The following GTF2H5 variants were observed in gnomAD, a reference collection of about 807,000 sequenced individuals.
The protein encoded by GTF2H5 is general transcription factor IIH subunit 5.
A neutral mutation model predicts 7.1 loss-of-function variants in GTF2H5; 5 were observed. The ratio of observed to expected loss-of-function variants is 0.71; its 90% CI spans 0.37 to 1.49. GTF2H5 has a LOEUF of 1.49. Ranked by LOEUF, GTF2H5 falls within the 40% of genes most tolerant of loss-of-function variation. The probability of loss-of-function intolerance (pLI) is 0.03; values close to 1 mark genes in which losing one functional copy is unlikely to be tolerated. For synonymous variants in GTF2H5, 30 were observed against 31.7 expected (o/e 0.95, Z 0.18); for missense variants, 80 against 83.0 (o/e 0.96, Z 0.14).
chr6:158,198,670 T>A lies in GTF2H5; in HGVS notation c.*6513T>A, dbSNP rs1366944011. ...CCTCAAGTAATCTGGCCTCCCAAAG[T>A]GGTGGGATTACAGGCGTGAGCCAGC... On this transcript the variant is annotated 3_prime_UTR_variant, in exon 3 of 3. Transcript: ENST00000607778. 1 of 152,288 alleles carries A rather than the reference T, an allele frequency of 6.6e-6. No homozygotes were observed. Among genetic ancestry groups the A allele is most frequent in the Non-Finnish European group, 1.5e-5 (1 of 68,122 alleles). The allele number at this position is 152,288 out of a possible 1,614,324, so 9.4% of individuals were successfully genotyped here. A position where few individuals can be genotyped will look rare whatever the true frequency, so the allele number is the denominator to read the frequency against.
chr6:158,170,648 C>A (rs754016012), intron 2 of GTF2H5, 110 bp downstream of exon 2: 4 of 824,120 alleles, frequency 4.9e-6, no homozygotes, highest in Non-Finnish European at 8.2e-6. Flanking sequence ...GAAATCAAGT[C>A]TTTCGCTTTT....
intron 1 of GTF2H5, among the ~76,000 whole-genome samples, chr6:158,169,564 AATATATT>A (rs1174212412): frequency 1.4e-5 from 1 of 70,342 alleles, no homozygotes; most frequent in Non-Finnish European, 2.4e-5. Context: ...TATTATATAT[AATATATT>A]GTATATTATA....
In GTF2H5 at chr6:158,192,040, C is replaced by A. The variant is rs981926791; in HGVS notation, c.99C>A (p.Phe33Leu). ...LDESNALGKK[F>L]IIQDIDDTHV... ...AGTCCAATGCCCTGGGGAAGAAGTT[C>A]ATCATTCAAGACATTGATGACACTC... The change falls in exon 3 of 3, where the codon TTC becomes TTA. Residue 33 changes from phenylalanine (F) to leucine (L), a missense_variant. Phe to Leu is a conservative substitution (Grantham distance 22). Coordinates refer to ENST00000607778, the MANE Select transcript of GTF2H5 (RefSeq NM_207118.3). 1 of 1,613,706 alleles carries A rather than the reference C, an allele frequency of 6.2e-7. No homozygotes were observed. Among genetic ancestry groups the A allele is most frequent in the Non-Finnish European group, 8.5e-7 (1 of 1,179,734 alleles).
At chr6:158,168,838 C>T (rs34239224) in intron 1 of GTF2H5, among the ~76,000 whole-genome samples, 18,927 of 152,232 alleles carry the variant, frequency 0.12, 1,308 homozygotes, top group Middle Eastern at 0.16. Flanking sequence ...TGGCTCACGC[C>T]TGCAATCCCA....
intron 2 of GTF2H5, among the ~76,000 whole-genome samples, chr6:158,174,866 G>A (rs151004370): frequency 1.2e-4 from 19 of 152,314 alleles, no homozygotes; most frequent in African/African-American, 4.3e-4. Context: ...TATCGTTTAT[G>A]AGAAGCGAAG....
chr6:158,169,700 A>ATATTGTATATTATATATTATATAT lies in GTF2H5; in HGVS notation c.-34-767_-34-766insTGTATATTATATATTATATATTAT, dbSNP rs1785794209. The stretch of plus-strand genomic sequence containing the variant: ...TATAATATATAATATATATTATATA[A>ATATTGTATATTATATATTATATAT]TATATTGTATATTATATATTATATA... On this transcript the variant is annotated intron_variant, in intron 1 of 2. Transcript: ENST00000607778. Among the ~76,000 whole-genome samples the ATATTGTATATTATATATTATATAT allele has an allele frequency of 3.7e-5, 3 of 81,934 alleles. 1 individual carries two copies. Among genetic ancestry groups the ATATTGTATATTATATATTATATAT allele is most frequent in the African/African-American group, 1.8e-4 (3 of 16,612 alleles). 53.8% of individuals were successfully genotyped at this position (81,934 alleles called of 152,430 possible).
chr6:158,170,431 A>G (rs1335011658), intron 1 of GTF2H5, 39 bp from the exon 2 acceptor site: 39 of 1,229,072 alleles, frequency 3.2e-5, no homozygotes, highest in Non-Finnish European at 4.6e-5. Flanking sequence ...ATGAAAGTTA[A>G]TGATTTTTAA....
In GTF2H5 at chr6:158,192,288, A is replaced by G; in HGVS notation, c.*131A>G. ...ATGCCACGGGAAAGACTGAGGGATC[A>G]TGATCATTTGTTCAGAAAAAAAGCC... is the stretch of plus-strand genomic sequence containing the variant. On this transcript the variant is annotated 3_prime_UTR_variant, in exon 3 of 3. Transcript: ENST00000607778. The G allele has an allele frequency of 2.8e-6, 2 of 703,662 alleles. No individual in the cohort carries two copies. The highest frequency in any genetic ancestry group is 2.5e-6 in the Non-Finnish European group (1 of 396,568). The allele number at this position is 703,662 out of a possible 1,614,324, so 43.6% of individuals were successfully genotyped here.
intron 2 of GTF2H5, among the ~76,000 whole-genome samples, chr6:158,185,147 CTTT>C (rs1165100637): frequency 1.5e-5 from 2 of 132,720 alleles, no homozygotes; most frequent in Non-Finnish European, 3.3e-5. Context: ...CTTTGAGTGT[CTTT>C]TTTTTTTTTT....
At chr6:158,168,955 C>T (rs991757265) in intron 1 of GTF2H5, among the ~76,000 whole-genome samples, 16 of 151,984 alleles carry the variant, frequency 1.1e-4, no homozygotes, top group Non-Finnish European at 1.9e-4. Flanking sequence ...ATAAATTGGC[C>T]TGGCGCGGTG....
rs1333335800 is a variant in GTF2H5, at chr6:158,192,085, A to T, written c.144A>T (p.Glu48Asp). 1.1e-5 allele frequency: 18 copies of T among 1,613,856 alleles called. 1 individual carries two copies. Among genetic ancestry groups the T allele is most frequent in the Non-Finnish European group, 1.3e-5 (15 of 1,179,898 alleles). ...IDDTHVFVIA[E>D]LVNVLQERVG... Reference sequence around the variant, plus strand: ...ACACTCACGTCTTTGTAATAGCAGAATTGGTTAATGTCCTCCAGGAGCGAG... The same window carrying T: ...ACACTCACGTCTTTGTAATAGCAGATTTGGTTAATGTCCTCCAGGAGCGAG... The change falls in exon 3 of 3, where the codon GAA becomes GAT. Residue 48 changes from glutamate (E) to aspartate (D), a missense_variant. Coordinates refer to ENST00000607778, the MANE Select transcript of GTF2H5 (RefSeq NM_207118.3).
intron 1 of GTF2H5, among the ~76,000 whole-genome samples, chr6:158,169,572 GTATAT>G (rs1451905603): frequency 1.7e-5 from 1 of 58,202 alleles, no homozygotes; most frequent in Non-Finnish European, 2.9e-5. Context: ...ATAATATATT[GTATAT>G]TATATATAAT....
In GTF2H5 at chr6:158,194,215, A is replaced by G. The variant is rs1777071800; in HGVS notation, c.*2058A>G. On this transcript the variant is annotated 3_prime_UTR_variant, in exon 3 of 3. Coordinates refer to ENST00000607778, the MANE Select transcript of GTF2H5 (RefSeq NM_207118.3). ...AAGAGAAAAAAAGATATTTATGAGA[A>G]AACTATTGAACAGTGACTGTGTTGT... is the stretch of plus-strand genomic sequence containing the variant. 6.6e-6 allele frequency: 1 copy of G among 152,154 alleles called. No individual in the cohort carries two copies. Among genetic ancestry groups the G allele is most frequent in the Non-Finnish European group, 1.5e-5 (1 of 68,032 alleles). The allele number at this position is 152,154 out of a possible 1,614,324, so 9.4% of individuals were successfully genotyped here. A position where few individuals can be genotyped will look rare whatever the true frequency, so the allele number is the denominator to read the frequency against.
In GTF2H5 at chr6:158,192,549, G is replaced by C; in HGVS notation, c.*392G>C. The C allele has an allele frequency of 3.9e-6, 1 of 254,996 alleles. No individual in the cohort carries two copies. The highest frequency in any genetic ancestry group is 4.7e-5 in the South Asian group (1 of 21,296). The allele number at this position is 254,996 out of a possible 1,614,324, so 15.8% of individuals were successfully genotyped here. A position where few individuals can be genotyped will look rare whatever the true frequency, so the allele number is the denominator to read the frequency against. On this transcript the variant is annotated 3_prime_UTR_variant, in exon 3 of 3. Transcript: ENST00000607778. ...TAGAAACGTCATAGATTTGCTGTTT[G>C]AATATGCCAAGGTGGGGACTTAGAC...
chr6:158,168,585 T>G (rs1785677221), intron 1 of GTF2H5, among the ~76,000 whole-genome samples, 190 bp downstream of exon 1: 1 of 152,154 alleles, frequency 6.6e-6, no homozygotes, highest in Non-Finnish European at 1.5e-5. Context: ...CCTCGTTTAA[T>G]CGTGGGTTTC....
chr6:158,172,788 CTT>C (rs1309183452), intron 2 of GTF2H5, among the ~76,000 whole-genome samples: 3 of 152,092 alleles, frequency 2.0e-5, no homozygotes, highest in East Asian at 1.9e-4. Context: ...CTTGAAATAA[CTT>C]AGTCTGTTTC....
At position 158,197,235 on chromosome 6, in the gene GTF2H5, C is replaced by G. The variant is rs1469624878; in HGVS notation, c.*5078C>G. ...TACAACAAGAATTTAACATGGCAGC[C>G]AAACCAACCCACTAACACACATTTA... On this transcript the variant is annotated 3_prime_UTR_variant, in exon 3 of 3. Transcript: ENST00000607778. The G allele has an allele frequency of 6.0e-6, 1 of 167,410 alleles. No individual in the cohort carries two copies. Among genetic ancestry groups the G allele is most frequent in the Admixed American group, 6.3e-5 (1 of 15,878 alleles). The allele number at this position is 167,410 out of a possible 1,614,324, so 10.4% of individuals were successfully genotyped here.
rs553045978 is a variant in GTF2H5 at position 158,195,648 on chromosome 6, T to C, written c.*3491T>C. The C allele has an allele frequency of 2.0e-5, 3 of 152,330 alleles. No homozygotes were observed. Among genetic ancestry groups the C allele is most frequent in the African/African-American group, 7.2e-5 (3 of 41,582 alleles). The allele number at this position is 152,330 out of a possible 1,614,324, so 9.4% of individuals were successfully genotyped here. On this transcript the variant is annotated 3_prime_UTR_variant, in exon 3 of 3. Transcript: ENST00000607778. ...TCTAGAACAGGTGATTTGACATAAT[T>C]GTACTTTTTTCTGAGAAGTTGGTAG...
At chr6:158,183,919 A>T (rs1261950396) in intron 2 of GTF2H5, among the ~76,000 whole-genome samples, 1 of 152,214 alleles carries the variant, frequency 6.6e-6, no homozygotes, top group Non-Finnish European at 1.5e-5. Context: ...CCACTGTCCA[A>T]CCAGTCCCAA....
Sources: allele counts gnomAD v4.1 joint callset (sites outside exome capture counted in the v4.1 genomes callset), GRCh38; gene constraint gnomAD v4.1.1; transcripts MANE v1.5; gene names NCBI Gene and HGNC (gene_info 2026-07-23, HGNC 2026-07-21).